WNT5A: variants seen among roughly 807,000 people sequenced by gnomAD.
WNT5A encodes Wnt family member 5A, also known as protein Wnt-5a.
In WNT5A, 9 loss-of-function variants were observed where a neutral mutation model predicts 42.1. That is an observed-to-expected ratio of 0.21 (90% CI 0.13 to 0.37). WNT5A has a LOEUF of 0.37. Among genes scored for constraint, WNT5A ranks in the 10% least tolerant of loss-of-function variants. The pLI is 1.00. For missense variants in WNT5A, 426 were observed against 534.0 expected (o/e 0.80, Z 1.99); for synonymous variants, 210 against 210.0 (o/e 1.00, Z 0.00).
chr3:55,470,116 G>C lies in WNT5A; in HGVS notation c.1119C>G (p.Ile373Met). ...ACTACTTGCACACAAACTGGTCCAC[G>C]ATCTCCGTGCACTTCTTGCACTTGA... ...CYVKCKKCTE[I>M]VDQFVCK Residue 373 changes from isoleucine to methionine, a missense_variant, in exon 5 of 5, where the codon ATC (isoleucine) becomes ATG (methionine). Physicochemically the swap from Ile to Met is conservative, Grantham distance 10 (BLOSUM62 1). Coordinates refer to ENST00000264634, the MANE Select transcript of WNT5A (RefSeq NM_003392.7). The C allele has an allele frequency of 6.2e-7, 1 of 1,614,098 alleles. No individual in the cohort carries two copies. The highest frequency in any genetic ancestry group is 8.5e-7 in the Non-Finnish European group (1 of 1,179,962).
rs578115659 is a variant in WNT5A, at chr3:55,485,159, G to C, written c.6+1821C>G. Among the ~76,000 whole-genome samples, 10 of 152,146 alleles carry C rather than the reference G, an allele frequency of 6.6e-5. No homozygotes were observed. In the South Asian group the frequency reaches 1.0e-3, roughly 16 times the overall value. On this transcript the variant is annotated intron_variant, in intron 1 of 4. Coordinates refer to ENST00000264634, the MANE Select transcript of WNT5A (RefSeq NM_003392.7). ...GCTGGGAGAGTGGGGTCTGGTGGTC[G>C]GGAGGGATGAAGGGAGCAGGGGTGG...
In WNT5A at chr3:55,470,441, G is replaced by A. The variant is rs373379669; in HGVS notation, c.794C>T (p.Ala265Val). 5.0e-6 allele frequency: 8 copies of A among 1,611,292 alleles called. No homozygotes were observed. The highest frequency in any genetic ancestry group is 6.8e-6 in the Non-Finnish European group (8 of 1,178,710). Residue 265 changes from alanine to valine, a missense_variant, in exon 5 of 5, where the codon GCC becomes GTC. By Grantham distance (64) the Ala-to-Val change is moderately conservative. Coordinates refer to ENST00000264634, the MANE Select transcript of WNT5A (RefSeq NM_003392.7). Reference protein sequence around the residue: ...QLADFRKVGDALKEKYDSAAA... With the variant: ...QLADFRKVGDVLKEKYDSAAA... ...CGCGCTGTCGTACTTCTCCTTCAGG[G>A]CATCACCCACCTTGCGGAAGTCTGC...
At chr3:55,495,221 A>G (rs1345148603), upstream of WNT5A, among the ~76,000 whole-genome samples, 1 of 152,180 alleles carries the variant, frequency 6.6e-6, no homozygotes, top group African/African-American at 2.4e-5. Context: ...AGTCTTAGCA[A>G]TTTTCAAGTA....
At chr3:55,489,790 C>G (rs1255404937), upstream of WNT5A, 1 of 152,338 alleles carries the variant, frequency 6.6e-6, no homozygotes, top group Non-Finnish European at 1.5e-5. Context: ...CACTTCCCGA[C>G]CTGTGGGCAT....
At chr3:55,495,611 A>G in the WNT5A span, among the ~76,000 whole-genome samples, 18 of 152,322 alleles carry the variant, frequency 1.2e-4, no homozygotes, top group South Asian at 8.3e-4. Flanking sequence ...TTGATTCCAT[A>G]TCTCCATATT....
chr3:55,496,159 T>TA, the WNT5A span, among the ~76,000 whole-genome samples: 85,112 of 151,944 alleles, frequency 0.56, 24,878 homozygotes, highest in African/African-American at 0.73. Flanking sequence ...TAATTTTGTA[T>TA]CTTTGCTGCT....
rs973333373 is a variant in WNT5A, at chr3:55,469,664, G to A, written c.*428C>T. ...TTTACAACTCATTTTGGTCATAGAA[G>A]CTGAATTGTGAATAGATTTCTACCA... On this transcript the variant is annotated 3_prime_UTR_variant, in exon 5 of 5. Coordinates refer to ENST00000264634, the MANE Select transcript of WNT5A (RefSeq NM_003392.7). The A allele has an allele frequency of 1.3e-5, 2 of 156,646 alleles. No individual in the cohort carries two copies. The highest frequency in any genetic ancestry group is 4.8e-5 in the African/African-American group (2 of 41,462). The allele number at this position is 156,646 out of a possible 1,614,324, so 9.7% of individuals were successfully genotyped here. A position where few individuals can be genotyped will look rare whatever the true frequency, so the allele number is the denominator to read the frequency against.
intron 4 of WNT5A, among the ~76,000 whole-genome samples, chr3:55,473,311 C>A (rs2051286085): frequency 6.6e-6 from 1 of 152,178 alleles, no homozygotes; most frequent in South Asian, 2.1e-4. Flanking sequence ...CCCCAAAATA[C>A]AGAAGAGTGA....
the WNT5A span, among the ~76,000 whole-genome samples, chr3:55,502,875 C>A: frequency 2.6e-5 from 4 of 152,152 alleles, no homozygotes; most frequent in African/African-American, 9.7e-5. Flanking sequence ...TGGTCCTATT[C>A]AAACTGAAGG....
upstream of WNT5A, among the ~76,000 whole-genome samples, chr3:55,494,800 G>C (rs2051698622): frequency 6.6e-6 from 1 of 152,162 alleles, no homozygotes; most frequent in Admixed American, 6.5e-5. Context: ...GCCTCCCAAA[G>C]TGCTGGGATT....
chr3:55,476,828 C>G (rs2051366515), intron 3 of WNT5A, among the ~76,000 whole-genome samples: 1 of 152,226 alleles, frequency 6.6e-6, no homozygotes, highest in Admixed American at 6.5e-5. Context: ...CCGATCCTCA[C>G]ACCCCTTACA....
Position 55,466,505 on chromosome 3 carries a change from C to A in WNT5A, c.*3587G>T, listed in dbSNP as rs1194460326. The A allele has an allele frequency of 6.6e-6, 1 of 152,232 alleles. No homozygotes were observed. The highest frequency in any genetic ancestry group is 1.5e-5 in the Non-Finnish European group (1 of 68,032). The allele number at this position is 152,232 out of a possible 1,614,324, so 9.4% of individuals were successfully genotyped here. A position where few individuals can be genotyped will look rare whatever the true frequency, so the allele number is the denominator to read the frequency against. On this transcript the variant is annotated 3_prime_UTR_variant, in exon 5 of 5. Coordinates refer to ENST00000264634, the MANE Select transcript of WNT5A (RefSeq NM_003392.7). ...ACGAGAAAAGAGCTAGGGTAGGCAA[C>A]TAAAACTTACACAGTGCCAGTCTCA...
rs759185001 is a variant in WNT5A at position 55,479,535 on chromosome 3, A to G, written c.170T>C (p.Met57Thr). Residue 57 changes from methionine (M) to threonine (T), a missense_variant, in exon 3 of 5, where the codon ATG (methionine) becomes ACG (threonine). By Grantham distance (81) the Met-to-Thr change is moderately conservative. Coordinates refer to ENST00000264634, the MANE Select transcript of WNT5A (RefSeq NM_003392.7). ...TGCTCCTATAATATATACTTCTGAC[A>G]TCTGAACAGGGTTATTCATACCTAG... is the stretch of plus-strand genomic sequence containing the variant. The part of the protein sequence containing the change: ...WSLGMNNPVQ[M>T]SEVYIIGAQP... 5.0e-6 allele frequency: 8 copies of G among 1,612,592 alleles called. No homozygotes were observed. The highest frequency in any genetic ancestry group is 5.9e-6 in the Non-Finnish European group (7 of 1,179,158).
rs1185006891 is a variant in WNT5A at position 55,468,513 on chromosome 3, A to G, written c.*1579T>C. ...GGCCACAGCCCAAGCTCAAGACTCA[A>G]AAAACTTTTGGAATAATCCCAACTG... On this transcript the variant is annotated 3_prime_UTR_variant, in exon 5 of 5. Coordinates refer to ENST00000264634, the MANE Select transcript of WNT5A (RefSeq NM_003392.7). 2 of 152,318 alleles carry G rather than the reference A, an allele frequency of 1.3e-5. No homozygotes were observed. Among genetic ancestry groups the G allele is most frequent in the East Asian group, 3.9e-4 (2 of 5,186 alleles). 9.4% of individuals were successfully genotyped at this position (152,318 alleles called of 1,614,324 possible). A position where few individuals can be genotyped will look rare whatever the true frequency, so the allele number is the denominator to read the frequency against.
the WNT5A span, among the ~76,000 whole-genome samples, chr3:55,498,483 C>T: frequency 2.0e-5 from 3 of 152,152 alleles, no homozygotes; most frequent in South Asian, 6.2e-4. Flanking sequence ...GTGGGAGACA[C>T]GAGGCATAGA....
chr3:55,472,227 T>A (rs1329173822), intron 4 of WNT5A, among the ~76,000 whole-genome samples: 1 of 152,110 alleles, frequency 6.6e-6, no homozygotes, highest in Non-Finnish European at 1.5e-5. Context: ...AAGTGTAACA[T>A]TATAGGTGCT....
chr3:55,469,986 C>A lies in WNT5A; in HGVS notation c.*106G>T. ...AAAAAAAATGGTTCCGGTTGCAATTCTTGGGGAAAAATAAAAAATATTTCT... is the reference window on the plus strand; with the variant it reads ...AAAAAAAATGGTTCCGGTTGCAATTATTGGGGAAAAATAAAAAATATTTCT... On this transcript the variant is annotated 3_prime_UTR_variant, in exon 5 of 5. Transcript: ENST00000264634. The A allele has an allele frequency of 7.1e-7, 1 of 1,416,774 alleles. No individual in the cohort carries two copies. 87.8% of individuals were successfully genotyped at this position (1,416,774 alleles called of 1,614,324 possible).
chr3:55,474,244 G>A lies in WNT5A; in HGVS notation c.684+93C>T, dbSNP rs1559553624. The A allele has an allele frequency of 2.6e-6, 4 of 1,512,504 alleles. 1 individual carries two copies. In the African/African-American group the frequency reaches 4.1e-5, roughly 15 times the overall value. The allele number at this position is 1,512,504 out of a possible 1,614,324, so 93.7% of individuals were successfully genotyped here. On this transcript the variant is annotated intron_variant, in intron 4 of 4. Transcript: ENST00000264634. ...GACCATATAGCAAAGGAGTGGCAGA[G>A]GAGAGGACGGAGCTACAGGGAGAGA...
At chr3:55,482,342 T>A (rs1575405311) in intron 1 of WNT5A, among the ~76,000 whole-genome samples, 2 of 151,954 alleles carry the variant, frequency 1.3e-5, no homozygotes, top group African/African-American at 4.8e-5. Context: ...CGGGTGCGGG[T>A]GGGAGGAGCG....
Sources: gnomAD v4.1 joint callset for allele counts (sites outside exome capture counted in the v4.1 genomes callset) on GRCh38, gnomAD v4.1.1 for gene constraint, MANE v1.5 for transcripts, NCBI Gene and HGNC (gene_info 2026-07-23, HGNC 2026-07-21) for gene names.